SMAD7: variants seen among roughly 807,000 people sequenced by gnomAD.
SMAD7 encodes the protein SMAD family member 7.
SMAD7 carries 8 observed loss-of-function variants against 38.7 expected under a neutral mutation model. The ratio of observed to expected loss-of-function variants is 0.21; its 90% CI spans 0.12 to 0.37. SMAD7 has a LOEUF of 0.37. Among genes scored for constraint, SMAD7 ranks in the 10% least tolerant of loss-of-function variants. The pLI, the probability that SMAD7 is intolerant of heterozygous loss-of-function variation, is 1.00. For synonymous variants in SMAD7, 327 were observed against 265.1 expected (o/e 1.23, Z -2.27); for missense variants, 477 against 577.9 (o/e 0.83, Z 1.79).
chr18:48,944,578 CCA>C (rs1285226067), intron 2 of SMAD7, among the ~76,000 whole-genome samples: 2 of 152,238 alleles, frequency 1.3e-5, no homozygotes, highest in African/African-American at 4.8e-5. Context: ...GCTCAAAGGG[CCA>C]CCCAGTGAGC....
intron 3 of SMAD7, among the ~76,000 whole-genome samples, chr18:48,926,659 G>A (rs2069932113): frequency 6.6e-6 from 1 of 152,222 alleles, no homozygotes; most frequent in South Asian, 2.1e-4. Context: ...TGTGGACACA[G>A]ACAGCTTGCA....
chr18:48,940,817 A>G (rs1211606617), intron 3 of SMAD7, among the ~76,000 whole-genome samples: 1 of 149,768 alleles, frequency 6.7e-6, no homozygotes, highest in Non-Finnish European at 1.5e-5. Context: ...CAAAAAAGAA[A>G]AAAAAAAAAA....
intron 3 of SMAD7, among the ~76,000 whole-genome samples, chr18:48,941,678 G>A (rs559201683): frequency 3.3e-5 from 5 of 152,280 alleles, no homozygotes; most frequent in African/African-American, 1.2e-4. Flanking sequence ...ATGACATGGT[G>A]GGGATGGAAA....
At chr18:48,937,264 A>ATGTGAGTGTG (rs2070078870) in intron 3 of SMAD7, among the ~76,000 whole-genome samples, 1 of 119,778 alleles carries the variant, frequency 8.3e-6, no homozygotes. Context: ...AAGTAAAGGC[A>ATGTGAGTGTG]TGTGTGTGTG....
intron 2 of SMAD7, among the ~76,000 whole-genome samples, chr18:48,946,434 G>GA (rs2070196338): frequency 6.6e-6 from 1 of 152,186 alleles, no homozygotes; most frequent in African/African-American, 2.4e-5. Flanking sequence ...GGGGGGCGGG[G>GA]GGGGTGTGCT....
At chr18:48,937,495 G>A (rs2070084463) in intron 3 of SMAD7, among the ~76,000 whole-genome samples, 1 of 152,142 alleles carries the variant, frequency 6.6e-6, no homozygotes, top group African/African-American at 2.4e-5. Context: ...TTTAAATGCT[G>A]TCACCCTGTA....
intron 3 of SMAD7, among the ~76,000 whole-genome samples, chr18:48,939,307 C>G (rs1051058255): frequency 6.6e-6 from 1 of 152,070 alleles, no homozygotes; most frequent in Non-Finnish European, 1.5e-5. Context: ...TTTCCCAGAC[C>G]GAGGAAACTT....
At chr18:48,930,478 G>A (rs200565317) in intron 3 of SMAD7, among the ~76,000 whole-genome samples, 5 of 152,180 alleles carry the variant, frequency 3.3e-5, no homozygotes, top group Admixed American at 2.6e-4. Flanking sequence ...CAACATACAC[G>A]GCCAGCTGCT....
At chr18:48,941,858 C>G (rs917579480) in intron 3 of SMAD7, among the ~76,000 whole-genome samples, 2 of 152,146 alleles carry the variant, frequency 1.3e-5, no homozygotes, top group African/African-American at 4.8e-5. Flanking sequence ...GCATTCCAGG[C>G]CTTCACGCAT....
At chr18:48,922,234 A>G (rs1463390152) in intron 3 of SMAD7, among the ~76,000 whole-genome samples, 1 of 152,212 alleles carries the variant, frequency 6.6e-6, no homozygotes. Flanking sequence ...GGGACCCTTA[A>G]TAGCTTGGGT....
Position 48,921,590 on chromosome 18 carries a change from G to A in SMAD7, c.1063C>T (p.Leu355=), listed in dbSNP as rs752216156. 11 of 1,614,048 alleles carry A rather than the reference G, an allele frequency of 6.8e-6. No homozygotes were observed. Among genetic ancestry groups the A allele is most frequent in the African/African-American group, 1.3e-5 (1 of 74,946 alleles). ...CCGGGGAACACCTTGTGTACCAACAGCGTCCTGGAGTCCGGGTTGTCCAGT... is the reference window on the plus strand; with the variant it reads ...CCGGGGAACACCTTGTGTACCAACAACGTCCTGGAGTCCGGGTTGTCCAGT... ...ATLDNPDSRT[L]LVHKVFPGFS... is the part of the protein sequence containing the mutation. Residue 355 remains leucine, a synonymous_variant, in exon 4 of 4, where the codon CTG becomes TTG. Transcript: ENST00000262158. The surrounding 1 kb of genome is among the most constrained non-coding windows in gnomAD (Gnocchi z 6.4).
At position 48,935,606 on chromosome 18, in the gene SMAD7, T is replaced by C. The variant is rs557959729; in HGVS notation, c.742+6875A>G. On this transcript the variant is annotated intron_variant, in intron 3 of 3. Transcript: ENST00000262158. ...TGGCACCATCCTGGTTCGCAGTCAC[T>C]GGGATGGGCAGGCCAGGGGGACCCC... Among the ~76,000 whole-genome samples, 7 of 152,232 alleles carry C rather than the reference T, an allele frequency of 4.6e-5. No individual in the cohort carries two copies. In the South Asian group the frequency reaches 1.2e-3, roughly 27 times the overall value.
At chr18:48,928,364 T>G (rs781733013) in intron 3 of SMAD7, among the ~76,000 whole-genome samples, 9 of 152,244 alleles carry the variant, frequency 5.9e-5, no homozygotes, top group Non-Finnish European at 1.2e-4. Context: ...ATTTTTGCAT[T>G]TAATTTGCAA....
At chr18:48,931,743 C>T (rs62105269) in intron 3 of SMAD7, among the ~76,000 whole-genome samples, 9,489 of 152,336 alleles carry the variant, frequency 0.062, 323 homozygotes, top group Non-Finnish European at 0.081. Context: ...AGGCCCAGAA[C>T]ACAGAAATGG....
At chr18:48,924,827 G>A (rs1196296729) in intron 3 of SMAD7, among the ~76,000 whole-genome samples, 4 of 152,134 alleles carry the variant, frequency 2.6e-5, no homozygotes, top group African/African-American at 4.8e-5. Context: ...AAAACCATTC[G>A]GCAACAGCAA....
In SMAD7 at chr18:48,921,198, A is replaced by G; in HGVS notation, c.*174T>C. 2 of 601,576 alleles carry G rather than the reference A, an allele frequency of 3.3e-6. No homozygotes were observed. The highest frequency in any genetic ancestry group is 5.7e-6 in the Non-Finnish European group (2 of 352,324). 37.3% of individuals were successfully genotyped at this position (601,576 alleles called of 1,614,324 possible). On this transcript the variant is annotated 3_prime_UTR_variant, in exon 4 of 4. Transcript: ENST00000262158. This position sits in a 1 kb window ranked among gnomAD's most constrained non-coding sequence, Gnocchi z 6.4. The stretch of plus-strand genomic sequence containing the variant: ...TCTTTTCATAAGCTATTTCTCAAAG[A>G]GCGAAACAAAACAGAACACAAACGA...
intron 3 of SMAD7, among the ~76,000 whole-genome samples, chr18:48,925,649 C>T (rs940939236): frequency 7.9e-5 from 12 of 152,168 alleles, no homozygotes; most frequent in African/African-American, 2.4e-4. Flanking sequence ...ACCAGAGGCT[C>T]GTGAATGAAC....
chr18:48,940,105 C>T (rs2070120442), intron 3 of SMAD7, among the ~76,000 whole-genome samples: 1 of 152,144 alleles, frequency 6.6e-6, no homozygotes, highest in Admixed American at 6.5e-5. Context: ...CTCCAGACGC[C>T]CCCAAGCCGG....
In SMAD7 at chr18:48,921,702, G is replaced by A. The variant is rs755554049; in HGVS notation, c.951C>T (p.Ile317=). ...CCCGCGTCAGCTGGATGCCGCAGCC[G>A]ATTTTGCTCCGCACCTTCTGCACCA... ...SQLVQKVRSK[I]GCGIQLTREV... Residue 317 remains isoleucine, a synonymous_variant, in exon 4 of 4, where the codon ATC becomes ATT. Transcript: ENST00000262158. The surrounding 1 kb of genome is among the most constrained non-coding windows in gnomAD (Gnocchi z 6.4). 24 of 1,613,840 alleles carry A rather than the reference G, an allele frequency of 1.5e-5. No homozygotes were observed. Among genetic ancestry groups the A allele is most frequent in the African/African-American group, 4.0e-5 (3 of 74,942 alleles).
Sources: allele counts gnomAD v4.1 joint callset (sites outside exome capture counted in the v4.1 genomes callset), GRCh38; gene constraint gnomAD v4.1.1; non-coding constraint Gnocchi (gnomAD v3.1); transcripts MANE v1.5; gene names NCBI Gene and HGNC (gene_info 2026-07-23, HGNC 2026-07-21).